The following PPP1R13B variants were observed in gnomAD, a reference collection of about 807,000 sequenced individuals.
PPP1R13B encodes the protein protein phosphatase 1 regulatory subunit 13B.
PPP1R13B carries 44 observed loss-of-function variants against 119.8 expected under a neutral mutation model. The observed-to-expected ratio is 0.37, with a 90% CI of 0.29 to 0.47. The LOEUF is 0.47. Ranked by LOEUF, PPP1R13B falls within the 20% of genes least tolerant of loss-of-function variation. The probability of loss-of-function intolerance (pLI) is 0.99; values close to 1 mark genes in which losing one functional copy is unlikely to be tolerated. For missense variants in PPP1R13B, 1,227 were observed against 1,413.5 expected (o/e 0.87, Z 2.12); for synonymous variants, 542 against 561.5 (o/e 0.97, Z 0.49).
intron 3 of PPP1R13B, among the ~76,000 whole-genome samples, chr14:103,784,491 G>A (rs1364500440): frequency 6.8e-6 from 1 of 147,904 alleles, no homozygotes; most frequent in East Asian, 2.0e-4. Flanking sequence ...GCTAAGGCAG[G>A]AGAATCCCTT....
upstream of PPP1R13B, chr14:103,848,471 G>C (rs549976637): frequency 6.2e-5 from 61 of 985,476 alleles, no homozygotes; most frequent in Admixed American, 1.1e-3. Context: ...GCACCCGCTC[G>C]GGGCCCCCCA....
intron 4 of PPP1R13B, among the ~76,000 whole-genome samples, chr14:103,760,219 A>G (rs1004572287): frequency 1.3e-5 from 2 of 152,246 alleles, no homozygotes; most frequent in African/African-American, 4.8e-5. Flanking sequence ...AAAGAAAATG[A>G]AAACTCTTCA....
chr14:103,818,178 T>C (rs966901881), intron 1 of PPP1R13B, among the ~76,000 whole-genome samples: 9 of 152,182 alleles, frequency 5.9e-5, no homozygotes, highest in African/African-American at 2.2e-4. Flanking sequence ...CATTTCCTAC[T>C]ACAGAAAGGA....
rs774325660 is a variant in PPP1R13B at position 103,740,606 on chromosome 14, C to T, written c.1823-13G>A. ...GGCTTACCATACACTGGGGAAGACA[C>T]AAAGGACAGGCAATTTTGACCTCAC... On this transcript the variant is annotated splice_polypyrimidine_tract_variant and intron_variant, in intron 11 of 16. Coordinates refer to ENST00000202556, the MANE Select transcript of PPP1R13B (RefSeq NM_015316.3). This position sits in a 1 kb window ranked among gnomAD's most constrained non-coding sequence, Gnocchi z 4.6. The T allele has an allele frequency of 3.2e-5, 48 of 1,493,932 alleles. No individual in the cohort carries two copies. The highest frequency in any genetic ancestry group is 3.7e-5 in the Non-Finnish European group (42 of 1,123,398). The allele number at this position is 1,493,932 out of a possible 1,614,324, so 92.5% of individuals were successfully genotyped here. A position where few individuals can be genotyped will look rare whatever the true frequency, so the allele number is the denominator to read the frequency against.
At chr14:103,835,111 C>CT (rs1196414774) in intron 1 of PPP1R13B, among the ~76,000 whole-genome samples, 6 of 151,940 alleles carry the variant, frequency 3.9e-5, no homozygotes, top group Non-Finnish European at 8.8e-5. Flanking sequence ...AACATTTGCT[C>CT]TTTTTTTTCT....
At chr14:103,797,901 A>G (rs1027559446) in intron 1 of PPP1R13B, among the ~76,000 whole-genome samples, 1 of 152,212 alleles carries the variant, frequency 6.6e-6, no homozygotes, top group Admixed American at 6.5e-5. Flanking sequence ...CGACTATACA[A>G]TGAGTGATGT....
In PPP1R13B at chr14:103,738,308, G is replaced by A. The variant is rs1025163405; in HGVS notation, c.2864+371C>T. 3.0e-5 allele frequency: 9 copies of A among 299,882 alleles called. No homozygotes were observed. Among genetic ancestry groups the A allele is most frequent in the Non-Finnish European group, 5.6e-5 (9 of 159,864 alleles). The allele number at this position is 299,882 out of a possible 1,614,324, so 18.6% of individuals were successfully genotyped here. On this transcript the variant is annotated intron_variant, in intron 14 of 16. Transcript: ENST00000202556. This position sits in a 1 kb window ranked among gnomAD's most constrained non-coding sequence, Gnocchi z 5.6. Reference sequence around the variant, plus strand: ...CGAAGGCAAACGGAATGAACAATGCGACAACCTACATGCCTGACCCAGGGG... The same window carrying A: ...CGAAGGCAAACGGAATGAACAATGCAACAACCTACATGCCTGACCCAGGGG...
chr14:103,847,452 G>C lies in PPP1R13B; in HGVS notation c.-145C>G. 1 of 999,396 alleles carries C rather than the reference G, an allele frequency of 1.0e-6. No individual in the cohort carries two copies. The highest frequency in any genetic ancestry group is 1.2e-6 in the Non-Finnish European group (1 of 840,504). 61.9% of individuals were successfully genotyped at this position (999,396 alleles called of 1,614,324 possible). On this transcript the variant is annotated 5_prime_UTR_variant, in exon 1 of 17. Coordinates refer to ENST00000202556, the MANE Select transcript of PPP1R13B (RefSeq NM_015316.3). ...GCCGCGGCGAGGCGGCAGCTGCGGC[G>C]GGCTGCGGGGCTCTCGCTGGCCCTG... is the stretch of plus-strand genomic sequence containing the variant.
intron 1 of PPP1R13B, chr14:103,847,032 G>GCC: frequency 9.2e-7 from 1 of 1,084,654 alleles, no homozygotes; most frequent in Non-Finnish European, 1.1e-6. Flanking sequence ...GAGATGACCG[G>GCC]CCCCAAATGC....
intron 4 of PPP1R13B, among the ~76,000 whole-genome samples, chr14:103,768,652 C>G (rs1356855308): frequency 6.6e-6 from 1 of 152,044 alleles, no homozygotes; most frequent in Non-Finnish European, 1.5e-5. Flanking sequence ...AGGATAGTCT[C>G]AATCTCCTGA....
At chr14:103,763,511 CTTA>C (rs958070986) in intron 4 of PPP1R13B, among the ~76,000 whole-genome samples, 24 of 152,002 alleles carry the variant, frequency 1.6e-4, no homozygotes, top group South Asian at 4.2e-4. Flanking sequence ...AGAGAGTTGA[CTTA>C]TTTTTAGTTT....
At chr14:103,787,087 C>T (rs998763869) in intron 2 of PPP1R13B, among the ~76,000 whole-genome samples, 5 of 151,988 alleles carry the variant, frequency 3.3e-5, no homozygotes, top group African/African-American at 9.7e-5. Flanking sequence ...TTCCTGAACT[C>T]AAGTGATCCA....
At chr14:103,773,413 G>A (rs768152532) in intron 4 of PPP1R13B, among the ~76,000 whole-genome samples, 1 of 151,958 alleles carries the variant, frequency 6.6e-6, no homozygotes, top group African/African-American at 2.4e-5. Flanking sequence ...AGCCCAATAG[G>A]GAAATTAAAA....
rs1254318558 is a variant in PPP1R13B, at chr14:103,816,461, CG to C, written c.10-18944del. Among the ~76,000 whole-genome samples the C allele has an allele frequency of 2.0e-5, 3 of 149,794 alleles. No individual in the cohort carries two copies. The East Asian group carries it at 6.2e-4, about 31-fold the overall frequency. On this transcript the variant is annotated intron_variant, in intron 1 of 16. Coordinates refer to ENST00000202556, the MANE Select transcript of PPP1R13B (RefSeq NM_015316.3). ...CAGCACTTTGGGAGGCCAAGGCGGGCGGATCAGCTGAGGTCGGGAGTTCGAA... is the reference window on the plus strand; with the variant it reads ...CAGCACTTTGGGAGGCCAAGGCGGGCGATCAGCTGAGGTCGGGAGTTCGAA...
chr14:103,794,819 T>C (rs1483980178), intron 2 of PPP1R13B, among the ~76,000 whole-genome samples: 1 of 152,236 alleles, frequency 6.6e-6, no homozygotes, highest in Non-Finnish European at 1.5e-5. Flanking sequence ...TACTAATCTG[T>C]GTTTACTAAG....
intron 1 of PPP1R13B, among the ~76,000 whole-genome samples, chr14:103,833,505 T>G (rs61995819): frequency 0.011 from 1,744 of 152,210 alleles, 10 homozygotes; most frequent in Non-Finnish European, 0.016. Flanking sequence ...TAGCTGGGTG[T>G]TGTTGTGCAC....
chr14:103,756,086 T>C (rs1333059902), intron 5 of PPP1R13B, among the ~76,000 whole-genome samples: 1 of 149,894 alleles, frequency 6.7e-6, no homozygotes, highest in African/African-American at 2.5e-5. Flanking sequence ...CAGTTTGGAA[T>C]TTTTTTTTCT....
chr14:103,771,265 G>A (rs1220707651), intron 4 of PPP1R13B, among the ~76,000 whole-genome samples: 4 of 151,944 alleles, frequency 2.6e-5, no homozygotes, highest in African/African-American at 9.7e-5. Context: ...CTTTATCCAG[G>A]TGTCAAAAAA....
At chr14:103,816,416 G>A (rs577708754) in intron 1 of PPP1R13B, among the ~76,000 whole-genome samples, 3 of 149,806 alleles carry the variant, frequency 2.0e-5, no homozygotes, top group Non-Finnish European at 3.0e-5. Context: ...GCCAGGCACA[G>A]TGGCTCACGC....
Sources: allele counts gnomAD v4.1 joint callset (sites outside exome capture counted in the v4.1 genomes callset), GRCh38; gene constraint gnomAD v4.1.1; non-coding constraint Gnocchi (gnomAD v3.1); transcripts MANE v1.5; gene names NCBI Gene and HGNC (gene_info 2026-07-23, HGNC 2026-07-21).